Variants in STK32B observed in about 807,000 individuals in gnomAD.
STK32B encodes the protein serine/threonine-protein kinase 32B.
A neutral mutation model predicts 52.6 loss-of-function variants in STK32B; 43 were observed. The ratio of observed to expected loss-of-function variants is 0.82; its 90% CI spans 0.64 to 1.05. The LOEUF (loss-of-function observed/expected upper bound fraction) is 1.05, where lower values mean the gene tolerates loss of function less well. Among genes scored for constraint, STK32B ranks in the 50% least tolerant of loss-of-function variants. The probability of loss-of-function intolerance (pLI) is 0.00; values close to 1 mark genes in which losing one functional copy is unlikely to be tolerated. For missense variants in STK32B, 621 were observed against 534.6 expected (o/e 1.16, Z -1.59); for synonymous variants, 238 against 204.3 (o/e 1.17, Z -1.41).
In STK32B at chr4:5,316,404, A is replaced by T. The variant is rs868463839; in HGVS notation, c.261-14816A>T. 5.8e-4 allele frequency among the ~76,000 whole-genome samples: 20 copies of T among 34,444 alleles called. 1 individual carries two copies. In the South Asian group the frequency reaches 5.8e-3, roughly 10 times the overall value. 22.6% of individuals were successfully genotyped at this position (34,444 alleles called of 152,430 possible). The stretch of plus-strand genomic sequence containing the variant: ...TATATATATAATATATTACATATAT[A>T]ATATATAATATATATTACATATATA... On this transcript the variant is annotated intron_variant, in intron 3 of 11. Transcript: ENST00000282908.
chr4:5,186,628 T>C (rs1038405599), intron 3 of STK32B, among the ~76,000 whole-genome samples: 1 of 152,160 alleles, frequency 6.6e-6, no homozygotes, highest in Admixed American at 6.5e-5. Context: ...TTAAGTGATA[T>C]CCTGGTCCAT....
At chr4:5,333,324 G>C (rs1732403024) in intron 4 of STK32B, among the ~76,000 whole-genome samples, 1 of 152,010 alleles carries the variant, frequency 6.6e-6, no homozygotes, top group African/African-American at 2.4e-5. Context: ...TTTTTGATGG[G>C]GTTGTTTTTT....
rs1348998224 is a variant in STK32B, at chr4:5,280,393, T to A, written c.261-50827T>A. Among the ~76,000 whole-genome samples, 4 of 152,288 alleles carry A rather than the reference T, an allele frequency of 2.6e-5. No homozygotes were observed. The East Asian group carries it at 7.7e-4, about 30-fold the overall frequency. On this transcript the variant is annotated intron_variant, in intron 3 of 11. Transcript: ENST00000282908. ...ACTATCAGCATCTTGGTCACAAGCATTCAACAAGTCTCTAGGAAGTTCCAA... is the reference window on the plus strand; with the variant it reads ...ACTATCAGCATCTTGGTCACAAGCAATCAACAAGTCTCTAGGAAGTTCCAA...
At chr4:5,116,440 T>C (rs960663230) in intron 1 of STK32B, among the ~76,000 whole-genome samples, 20 of 152,214 alleles carry the variant, frequency 1.3e-4, no homozygotes, top group African/African-American at 4.3e-4. Flanking sequence ...CCTACATCTG[T>C]GGAATAGCTC....
Position 5,197,407 on chromosome 4 carries a change from A to T in STK32B, c.260+28957A>T, listed in dbSNP as rs549945650. ...GAGTTCCTTTAGCTGCTGCAGCAAGAGTCAGGGAGCATGTGCAGTGGGCAC... is the reference window on the plus strand; with the variant it reads ...GAGTTCCTTTAGCTGCTGCAGCAAGTGTCAGGGAGCATGTGCAGTGGGCAC... On this transcript the variant is annotated intron_variant, in intron 3 of 11. Transcript: ENST00000282908. Among the ~76,000 whole-genome samples, 138 of 152,310 alleles carry T rather than the reference A, an allele frequency of 9.1e-4. 3 individuals are homozygous for T. In the South Asian group the frequency reaches 0.02, roughly 22 times the overall value.
intron 4 of STK32B, among the ~76,000 whole-genome samples, chr4:5,349,022 C>T (rs531035977): frequency 3.3e-5 from 5 of 152,116 alleles, no homozygotes; most frequent in Admixed American, 6.5e-5. Flanking sequence ...CAAATACCAG[C>T]ATGGACTGCT....
At chr4:5,361,076 C>T (rs1199978409) in intron 4 of STK32B, among the ~76,000 whole-genome samples, 1 of 152,218 alleles carries the variant, frequency 6.6e-6, no homozygotes, top group Non-Finnish European at 1.5e-5. Context: ...ATCATACAGT[C>T]TTCGTCCTTT....
chr4:5,463,226 G>A (rs1253103211), intron 9 of STK32B, among the ~76,000 whole-genome samples: 1 of 152,248 alleles, frequency 6.6e-6, no homozygotes, highest in Non-Finnish European at 1.5e-5. Context: ...GACTGGCGAA[G>A]GCTAAGAATC....
chr4:5,335,669 G>C (rs1169085317), intron 4 of STK32B, among the ~76,000 whole-genome samples: 1 of 151,846 alleles, frequency 6.6e-6, no homozygotes, highest in East Asian at 1.9e-4. Context: ...AGAGATTCTG[G>C]TATGTTGTGT....
At chr4:5,490,153 C>A (rs1197873262) in intron 11 of STK32B, among the ~76,000 whole-genome samples, 2 of 151,140 alleles carry the variant, frequency 1.3e-5, no homozygotes, top group Admixed American at 1.3e-4. Flanking sequence ...GCCACCCAGG[C>A]TGGAGTGCAG....
intron 3 of STK32B, among the ~76,000 whole-genome samples, chr4:5,207,968 G>C (rs1448056586): frequency 1.3e-5 from 2 of 152,096 alleles, no homozygotes. Flanking sequence ...CTGGTTTGAT[G>C]TTGTGTTACA....
At chr4:5,066,297 A>T (rs377511763) in intron 1 of STK32B, among the ~76,000 whole-genome samples, 3 of 152,246 alleles carry the variant, frequency 2.0e-5, no homozygotes, top group South Asian at 4.1e-4. Context: ...TAAATAGCTC[A>T]CAAATCTGCC....
chr4:5,112,692 A>G (rs1198888363), intron 1 of STK32B, among the ~76,000 whole-genome samples: 1 of 152,190 alleles, frequency 6.6e-6, no homozygotes, highest in Non-Finnish European at 1.5e-5. Context: ...AGTCAAATGG[A>G]CATGCAAATG....
chr4:5,384,349 G>A (rs1395404213), intron 4 of STK32B, among the ~76,000 whole-genome samples: 1 of 152,198 alleles, frequency 6.6e-6, no homozygotes, highest in Non-Finnish European at 1.5e-5. Flanking sequence ...TTGCTATTCA[G>A]GCAGATGTGG....
intron 7 of STK32B, among the ~76,000 whole-genome samples, chr4:5,452,190 C>T (rs943394768): frequency 2.6e-5 from 4 of 152,184 alleles, no homozygotes; most frequent in African/African-American, 9.7e-5. Context: ...CCTCCCTGAC[C>T]TGGTGTTAGC....
chr4:5,495,338 G>A (rs1018780833), intron 11 of STK32B, among the ~76,000 whole-genome samples: 10 of 151,996 alleles, frequency 6.6e-5, no homozygotes, highest in Non-Finnish European at 1.2e-4. Context: ...ATGTTCCATC[G>A]CTGATACCAT....
intron 1 of STK32B, among the ~76,000 whole-genome samples, chr4:5,064,341 ATAAT>A (rs1742328914): frequency 7.0e-6 from 1 of 141,862 alleles, no homozygotes; most frequent in African/African-American, 2.6e-5. Context: ...TTACATAAAC[ATAAT>A]TATATTACAT....
intron 3 of STK32B, among the ~76,000 whole-genome samples, chr4:5,322,278 C>T (rs1163826596): frequency 3.3e-5 from 5 of 152,142 alleles, no homozygotes; most frequent in Non-Finnish European, 7.3e-5. Context: ...TGTCAGAAGG[C>T]CGAGCGCTCC....
At chr4:5,152,332 C>A (rs558541980) in intron 2 of STK32B, among the ~76,000 whole-genome samples, 12 of 152,338 alleles carry the variant, frequency 7.9e-5, no homozygotes, top group Admixed American at 7.8e-4. Context: ...TTGACACTTG[C>A]TTCCTTGTAT....
Sources: allele counts gnomAD v4.1 joint callset (sites outside exome capture counted in the v4.1 genomes callset), GRCh38; gene constraint gnomAD v4.1.1; transcripts MANE v1.5; gene names NCBI Gene and HGNC (gene_info 2026-07-23, HGNC 2026-07-21).